Variants in ALG6 observed in about 807,000 individuals in gnomAD.
ALG6 encodes the protein ALG6 alpha-1,3-glucosyltransferase.
ALG6 carries 46 observed loss-of-function variants against 66.6 expected under a neutral mutation model. The ratio of observed to expected loss-of-function variants is 0.69; its 90% CI spans 0.55 to 0.88. The LOEUF is 0.88. ALG6 is among the 40% of genes least tolerant of loss of function. ALG6 has a pLI of 0.00. For synonymous variants in ALG6, 185 were observed against 203.7 expected, an observed-to-expected ratio of 0.91 and a Z score of 0.78; for missense variants, 505 against 586.8, an observed-to-expected ratio of 0.86 and a Z score of 1.44.
At chr1:63,402,902 C>T (rs1644472220) in intron 4 of ALG6, among the ~76,000 whole-genome samples, 1 of 151,108 alleles carries the variant, frequency 6.6e-6, no homozygotes, top group South Asian at 2.1e-4. Flanking sequence ...TTAGACCATC[C>T]TGGCTAACAT....
chr1:63,422,108 AATAT>A (rs34619936), intron 12 of ALG6, among the ~76,000 whole-genome samples: 3 of 104,240 alleles, frequency 2.9e-5, no homozygotes, highest in Non-Finnish European at 3.7e-5. Flanking sequence ...TATAAATATA[AATAT>A]ATATAAATAT....
Position 63,436,837 on chromosome 1 carries a change from C to A in ALG6, c.1341C>A (p.Val447=). ...RIIQYLFLIS[V]ITMVLLTLMT... The stretch of plus-strand genomic sequence containing the variant: ...TTTCCTTGCAGTTTCTTATCTCAGT[C>A]ATCACTATGGTGCTTCTGACGTTGA... Residue 447 remains valine (V), a synonymous_variant, in exon 15 of 15, where the codon GTC becomes GTA. Coordinates refer to ENST00000263440, the MANE Select transcript of ALG6 (RefSeq NM_013339.4). The A allele has an allele frequency of 6.2e-7, 1 of 1,613,718 alleles. No individual in the cohort carries two copies. Among genetic ancestry groups the A allele is most frequent in the South Asian group, 1.1e-5 (1 of 91,042 alleles).
intron 3 of ALG6, among the ~76,000 whole-genome samples, chr1:63,398,437 T>C (rs190506342): frequency 3.5e-4 from 53 of 152,326 alleles, no homozygotes; most frequent in Non-Finnish European, 5.9e-4. Flanking sequence ...CCTTGAGTAA[T>C]TGTGACCTGA....
chr1:63,372,744 C>G (rs992075334), intron 2 of ALG6, among the ~76,000 whole-genome samples: 1 of 152,034 alleles, frequency 6.6e-6, no homozygotes, highest in Non-Finnish European at 1.5e-5. Context: ...ACTGTAATCT[C>G]CGCCTCCCAG....
chr1:63,384,014 T>A (rs950136965), intron 2 of ALG6, among the ~76,000 whole-genome samples: 1 of 152,254 alleles, frequency 6.6e-6, no homozygotes, highest in Non-Finnish European at 1.5e-5. Flanking sequence ...TTCTTTTTTA[T>A]GGCTGAATCC....
rs1234352739 is a variant in ALG6, at chr1:63,406,307, GT to G, written c.347-9del. Reference sequence around the variant, plus strand: ...GACTCATGTTTAAAGTTATTTACTTGTGTTTTCAGTTTTAATTGCTGATCTG... The same window carrying G: ...GACTCATGTTTAAAGTTATTTACTTGGTTTTCAGTTTTAATTGCTGATCTG... On this transcript the variant is annotated splice_polypyrimidine_tract_variant and intron_variant, in intron 5 of 14. Transcript: ENST00000263440. 1.2e-6 allele frequency: 2 copies of G among 1,611,422 alleles called. No homozygotes were observed. The highest frequency in any genetic ancestry group is 2.7e-5 in the African/African-American group (2 of 74,816).
At chr1:63,374,354 G>A (rs553571273) in intron 2 of ALG6, among the ~76,000 whole-genome samples, 51 of 152,208 alleles carry the variant, frequency 3.4e-4, no homozygotes, top group African/African-American at 1.2e-3. Flanking sequence ...TCTTGGCCGG[G>A]CCGTGGCTCA....
intron 11 of ALG6, 133 bp from the exon 12 acceptor site, chr1:63,419,237 A>G (rs1644561212): frequency 2.6e-6 from 2 of 759,356 alleles, no homozygotes; most frequent in Non-Finnish European, 4.4e-6. Context: ...TGTTGTTTGT[A>G]TTTTACTTCT....
At chr1:63,418,865 C>G (rs936550379) in intron 11 of ALG6, among the ~76,000 whole-genome samples, 1 of 152,066 alleles carries the variant, frequency 6.6e-6, no homozygotes, top group African/African-American at 2.4e-5. Flanking sequence ...GGATAGTTAT[C>G]CATATCTAAT....
At chr1:63,432,499 G>A (rs561421341) in intron 14 of ALG6, among the ~76,000 whole-genome samples, 4 of 152,012 alleles carry the variant, frequency 2.6e-5, no homozygotes, top group Non-Finnish European at 4.4e-5. Context: ...TATATTTAAG[G>A]CATATCACAT....
chr1:63,422,163 A>C (rs1227589743), intron 12 of ALG6, among the ~76,000 whole-genome samples: 4,707 of 118,226 alleles, frequency 0.04, 306 homozygotes, highest in Non-Finnish European at 0.064. Flanking sequence ...AAATATATAT[A>C]TAACTATGAA....
At position 63,371,067 on chromosome 1, in the gene ALG6, AT is replaced by A; in HGVS notation, c.82+13del. On this transcript the variant is annotated intron_variant, in intron 2 of 14. Transcript: ENST00000263440. The stretch of plus-strand genomic sequence containing the variant: ...CTCTTAATTCTTATTCAGGTAATAC[AT>A]TTTTACTGGTTAAAAAAAAAACGAA... 1 of 1,586,848 alleles carries A rather than the reference AT, an allele frequency of 6.3e-7. No individual in the cohort carries two copies. The highest frequency in any genetic ancestry group is 8.7e-7 in the Non-Finnish European group (1 of 1,155,846).
At chr1:63,421,794 G>C (rs1379328573) in intron 12 of ALG6, among the ~76,000 whole-genome samples, 1 of 150,692 alleles carries the variant, frequency 6.6e-6, no homozygotes, top group African/African-American at 2.4e-5. Context: ...AACACCACGT[G>C]TTCTCACTCA....
chr1:63,401,561 G>C (rs560058123), intron 3 of ALG6, among the ~76,000 whole-genome samples: 2 of 151,462 alleles, frequency 1.3e-5, no homozygotes, highest in Non-Finnish European at 2.9e-5. Context: ...AGCTACTCAG[G>C]AGGCTGAGGC....
intron 3 of ALG6, among the ~76,000 whole-genome samples, chr1:63,397,946 C>A (rs942982143): frequency 2.0e-5 from 3 of 152,272 alleles, no homozygotes; most frequent in African/African-American, 7.2e-5. Flanking sequence ...TAGCATGTAA[C>A]GAACTCTCAA....
chr1:63,418,377 C>A (rs1209844555), intron 11 of ALG6, among the ~76,000 whole-genome samples: 1 of 149,682 alleles, frequency 6.7e-6, no homozygotes, highest in Non-Finnish European at 1.5e-5. Context: ...AGTGAATGAC[C>A]AACCAGAAGG....
intron 10 of ALG6, among the ~76,000 whole-genome samples, 181 bp downstream of exon 10, chr1:63,414,327 C>G (rs1470475717): frequency 6.6e-6 from 1 of 151,678 alleles, no homozygotes; most frequent in Non-Finnish European, 1.5e-5. Context: ...GCTCGGCTCA[C>G]TGCAGTCTCT....
Position 63,436,875 on chromosome 1 carries a change from T to C in ALG6, c.1379T>C (p.Leu460Pro), listed in dbSNP as rs1278474176. The C allele has an allele frequency of 3.7e-6, 6 of 1,613,814 alleles. No homozygotes were observed. The highest frequency in any genetic ancestry group is 4.2e-6 in the Non-Finnish European group (5 of 1,179,812). The change falls in exon 15 of 15, where the codon CTG becomes CCG. Residue 460 changes from leucine (L) to proline (P), a missense_variant. By Grantham distance (98) the Leu-to-Pro change is moderately conservative. Transcript: ENST00000263440. ...CTTCTGACGTTGATGACTGTCACAC[T>C]GGATCCTCCTCAGAAACTACCGGAC... is the stretch of plus-strand genomic sequence containing the variant. ...MVLLTLMTVT[L>P]DPPQKLPDLF...
At chr1:63,404,426 T>C in intron 4 of ALG6, 27 bp from the exon 5 acceptor site, 1 of 1,530,512 alleles carries the variant, frequency 6.5e-7, no homozygotes, top group East Asian at 2.3e-5. Context: ...AGGAATGAAG[T>C]ATCTGTATAT....
Sources: allele counts gnomAD v4.1 joint callset (sites outside exome capture counted in the v4.1 genomes callset), GRCh38; gene constraint gnomAD v4.1.1; transcripts MANE v1.5; gene names NCBI Gene and HGNC (gene_info 2026-07-23, HGNC 2026-07-21).